NRXN3: variants seen among roughly 807,000 people sequenced by gnomAD.
NRXN3 encodes the protein neurexin 3.
Under a neutral mutation model 137.6 loss-of-function variants are expected in NRXN3, and 32 were observed. That is an observed-to-expected ratio of 0.23 (90% CI 0.18 to 0.31). The LOEUF (loss-of-function observed/expected upper bound fraction) is 0.31, where lower values mean the gene tolerates loss of function less well. Among genes scored for constraint, NRXN3 ranks in the 10% least tolerant of loss-of-function variants. The pLI is 1.00. For missense variants in NRXN3, 1,574 were observed against 2,062.5 expected (o/e 0.76, Z 4.59); for synonymous variants, 798 against 784.5 (o/e 1.02, Z -0.29).
intron 4 of NRXN3, among the ~76,000 whole-genome samples, chr14:78,332,772 A>G (rs1008316604): frequency 6.6e-6 from 1 of 152,194 alleles, no homozygotes; most frequent in African/African-American, 2.4e-5. Flanking sequence ...AGGAATCGAT[A>G]TCTAATGATA....
At chr14:79,174,188 T>G (rs1371923471) in intron 15 of NRXN3, among the ~76,000 whole-genome samples, 1 of 152,144 alleles carries the variant, frequency 6.6e-6, no homozygotes, top group African/African-American at 2.4e-5. Flanking sequence ...ATGTCTAGAC[T>G]CTACCTAAAA....
chr14:78,649,079 C>T (rs540498225), intron 5 of NRXN3, among the ~76,000 whole-genome samples: 2 of 152,304 alleles, frequency 1.3e-5, no homozygotes, highest in Admixed American at 1.3e-4. Context: ...GTCTTCCCCC[C>T]ACTCTCTTTT....
chr14:79,439,344 T>A (rs1241515616), intron 15 of NRXN3, among the ~76,000 whole-genome samples: 1 of 152,220 alleles, frequency 6.6e-6, no homozygotes, highest in African/African-American at 2.4e-5. Context: ...ATACATTTAA[T>A]AAAATTAATA....
Position 78,243,105 on chromosome 14 carries a change from A to G in NRXN3, c.12A>G (p.Thr4=). 2.0e-6 allele frequency: 3 copies of G among 1,528,548 alleles called. No homozygotes were observed. The highest frequency in any genetic ancestry group is 2.6e-6 in the Non-Finnish European group (3 of 1,144,198). 94.7% of individuals were successfully genotyped at this position (1,528,548 alleles called of 1,614,324 possible). The change falls in exon 2 of 21, where the codon ACA becomes ACG. Residue 4 remains threonine (T), a synonymous_variant. Coordinates refer to ENST00000335750, the MANE Select transcript of NRXN3 (RefSeq NM_001330195.2). The surrounding 1 kb of genome is among the most constrained non-coding windows in gnomAD (Gnocchi z 4.2). MSS[T]LHSVFFTLKV... Reference sequence around the variant, plus strand: ...TCCCAGCAGCGACAATGAGCTCCACACTCCACTCGGTTTTCTTCACCCTGA... The same window carrying G: ...TCCCAGCAGCGACAATGAGCTCCACGCTCCACTCGGTTTTCTTCACCCTGA...
At chr14:79,099,453 A>G (rs2050892399) in intron 15 of NRXN3, among the ~76,000 whole-genome samples, 2 of 152,268 alleles carry the variant, frequency 1.3e-5, no homozygotes, top group South Asian at 2.1e-4. Flanking sequence ...CTACCAAGTC[A>G]ACAGGTATAA....
At chr14:79,414,161 A>G (rs2095462880) in intron 15 of NRXN3, among the ~76,000 whole-genome samples, 1 of 152,074 alleles carries the variant, frequency 6.6e-6, no homozygotes, top group African/African-American at 2.4e-5. Flanking sequence ...TCTCTCTTGC[A>G]TGCTGTCCTT....
intron 15 of NRXN3, among the ~76,000 whole-genome samples, chr14:79,466,261 C>A (rs1407107049): frequency 6.6e-6 from 1 of 151,962 alleles, no homozygotes; most frequent in Non-Finnish European, 1.5e-5. Context: ...ATAAATACCA[C>A]CACTAGGGAA....
chr14:78,360,286 C>T (rs79508872), intron 4 of NRXN3, among the ~76,000 whole-genome samples: 5 of 152,080 alleles, frequency 3.3e-5, no homozygotes, highest in South Asian at 2.1e-4. Context: ...GTCTAGGGGT[C>T]GGGGTCCTTT....
intron 4 of NRXN3, among the ~76,000 whole-genome samples, chr14:78,386,500 T>C (rs148917103): frequency 6.6e-6 from 1 of 152,150 alleles, no homozygotes; most frequent in Non-Finnish European, 1.5e-5. Context: ...TCTTATATAT[T>C]GTCTCTTATG....
chr14:79,571,491 G>A (rs897365610), intron 16 of NRXN3, among the ~76,000 whole-genome samples: 1 of 152,060 alleles, frequency 6.6e-6, no homozygotes, highest in African/African-American at 2.4e-5. Flanking sequence ...GAGAAATGAA[G>A]GCAGTCAGCT....
chr14:78,964,406 T>C (rs1181196395), intron 11 of NRXN3, among the ~76,000 whole-genome samples: 1 of 152,228 alleles, frequency 6.6e-6, no homozygotes, highest in Non-Finnish European at 1.5e-5. Context: ...ACCCATTCTA[T>C]GGATGCATGC....
At chr14:79,172,948 G>C (rs748608512) in intron 15 of NRXN3, among the ~76,000 whole-genome samples, 2 of 152,308 alleles carry the variant, frequency 1.3e-5, no homozygotes, top group Non-Finnish European at 2.9e-5. Flanking sequence ...CACTTCCAAA[G>C]CTGTTATCAC....
chr14:79,224,034 C>T (rs1338071670), intron 15 of NRXN3, among the ~76,000 whole-genome samples: 2 of 152,058 alleles, frequency 1.3e-5, no homozygotes, highest in African/African-American at 2.4e-5. Flanking sequence ...AAGGATTCAT[C>T]AGCAATAGGG....
intron 2 of NRXN3, among the ~76,000 whole-genome samples, chr14:78,261,075 T>C (rs1033490186): frequency 2.0e-5 from 3 of 152,168 alleles, no homozygotes; most frequent in African/African-American, 7.2e-5. Context: ...AAAGCATCTG[T>C]CTAAGGAAAG....
intron 1 of NRXN3, among the ~76,000 whole-genome samples, chr14:78,182,087 TAGAG>T (rs773414677): frequency 3.8e-5 from 5 of 131,872 alleles, no homozygotes; most frequent in Non-Finnish European, 6.4e-5. Flanking sequence ...CACTGAGAAT[TAGAG>T]AGACCTAATT....
At chr14:78,942,322 G>T (rs949231181) in intron 10 of NRXN3, among the ~76,000 whole-genome samples, 26 of 152,256 alleles carry the variant, frequency 1.7e-4, no homozygotes, top group African/African-American at 5.8e-4. Context: ...CCCTGTCTCT[G>T]ACTCTTAACT....
chr14:79,704,664 A>T (rs958826758), intron 19 of NRXN3, among the ~76,000 whole-genome samples: 3 of 152,152 alleles, frequency 2.0e-5, no homozygotes, highest in Non-Finnish European at 4.4e-5. Flanking sequence ...AAGGCGCTGA[A>T]GATTTGTCAG....
chr14:78,773,563 T>C (rs1231290645), intron 8 of NRXN3, among the ~76,000 whole-genome samples: 1 of 152,220 alleles, frequency 6.6e-6, no homozygotes, highest in Non-Finnish European at 1.5e-5. Context: ...TAGCTTTATT[T>C]AATTTTTAAT....
intron 1 of NRXN3, among the ~76,000 whole-genome samples, chr14:78,234,007 A>T (rs1228099954): frequency 2.0e-5 from 3 of 152,216 alleles, no homozygotes; most frequent in Admixed American, 2.0e-4. Context: ...ATGGGGGCAG[A>T]TCTTTCCCAA....
Sources: gnomAD v4.1 joint callset for allele counts (sites outside exome capture counted in the v4.1 genomes callset) on GRCh38, gnomAD v4.1.1 for gene constraint, Gnocchi (gnomAD v3.1) non-coding constraint, MANE v1.5 for transcripts, NCBI Gene and HGNC (gene_info 2026-07-23, HGNC 2026-07-21) for gene names.